The following PHC2 variants were observed in gnomAD, a reference collection of about 807,000 sequenced individuals.
The protein encoded by PHC2 is polyhomeotic homolog 2.
In PHC2, 29 loss-of-function variants were observed where a neutral mutation model predicts 87.4. The observed-to-expected ratio is 0.33, with a 90% CI of 0.25 to 0.45. The LOEUF (loss-of-function observed/expected upper bound fraction) is 0.45, where lower values mean the gene tolerates loss of function less well. Ranked by LOEUF, PHC2 falls within the 20% of genes least tolerant of loss-of-function variation. The pLI is 1.00. For missense variants in PHC2, 857 were observed against 1,136.7 expected, an observed-to-expected ratio of 0.75 and a Z score of 3.54; for synonymous variants, 438 against 461.7, an observed-to-expected ratio of 0.95 and a Z score of 0.66.
intron 7 of PHC2, among the ~76,000 whole-genome samples, chr1:33,366,092 A>G (rs1647432162): frequency 6.6e-6 from 1 of 152,250 alleles, no homozygotes; most frequent in Non-Finnish European, 1.5e-5. Context: ...TAAAAATCCT[A>G]TCTTATTTTG....
In PHC2 at chr1:33,332,237, G is replaced by C; in HGVS notation, c.1891+38C>G. 6.2e-7 allele frequency: 1 copy of C among 1,613,120 alleles called. No homozygotes were observed. Among genetic ancestry groups the C allele is most frequent in the Non-Finnish European group, 8.5e-7 (1 of 1,179,224 alleles). ...GTGTGAGGCCTGCCTTTCCAGCCAC[G>C]CTGGGAGGCCGAGAGATTCAGGGTC... On this transcript the variant is annotated intron_variant, in intron 11 of 14. Transcript: ENST00000683057. This position sits in a 1 kb window ranked among gnomAD's most constrained non-coding sequence, Gnocchi z 4.2.
intron 9 of PHC2, among the ~76,000 whole-genome samples, chr1:33,337,857 G>T (rs1170787319): frequency 6.6e-6 from 1 of 152,202 alleles, no homozygotes; most frequent in Admixed American, 6.5e-5. Context: ...AAGAGATCTG[G>T]TTGGTAAGAT....
chr1:33,388,134 T>G (rs1452645125), intron 1 of PHC2, among the ~76,000 whole-genome samples: 1 of 152,190 alleles, frequency 6.6e-6, no homozygotes, highest in Non-Finnish European at 1.5e-5. Flanking sequence ...CTTTCCTGAA[T>G]GCCCACCACA....
intron 1 of PHC2, among the ~76,000 whole-genome samples, chr1:33,411,469 T>C (rs540361183): frequency 2.6e-5 from 4 of 152,116 alleles, no homozygotes; most frequent in Non-Finnish European, 5.9e-5. Context: ...GTTGTTGTTG[T>C]TGTTATATTA....
At chr1:33,408,448 T>TTTTG (rs1649851968) in intron 1 of PHC2, among the ~76,000 whole-genome samples, 1 of 151,402 alleles carries the variant, frequency 6.6e-6, no homozygotes, top group South Asian at 2.1e-4. Context: ...TTTAGTAGTT[T>TTTTG]TTTTGTTTTG....
intron 9 of PHC2, chr1:33,335,067 C>G (rs1339528642): frequency 2.8e-6 from 1 of 356,922 alleles, no homozygotes; most frequent in African/African-American, 2.2e-5. Context: ...GATCCTCTGT[C>G]TCTCTGTGGA....
chr1:33,368,451 C>T lies in PHC2; in HGVS notation c.663+85G>A, dbSNP rs1647614899. On this transcript the variant is annotated intron_variant, in intron 6 of 14. Transcript: ENST00000683057. The surrounding 1 kb of genome is among the most constrained non-coding windows in gnomAD (Gnocchi z 6.6). ...CGCCTGCTTTCCTAGCTGATCCCGG[C>T]CTCTCCTTGTGCCCCTCCCCAGTAT... 2 of 706,620 alleles carry T rather than the reference C, an allele frequency of 2.8e-6. No individual in the cohort carries two copies. Among genetic ancestry groups the T allele is most frequent in the African/African-American group, 1.8e-5 (1 of 55,832 alleles). The allele number at this position is 706,620 out of a possible 1,614,324, so 43.8% of individuals were successfully genotyped here.
chr1:33,411,584 C>T (rs181370012), intron 1 of PHC2, among the ~76,000 whole-genome samples: 32 of 151,978 alleles, frequency 2.1e-4, no homozygotes, highest in South Asian at 4.2e-4. Flanking sequence ...TTTTTTGAGA[C>T]GGAGTCTTGC....
At chr1:33,337,902 C>T (rs948318293) in intron 9 of PHC2, among the ~76,000 whole-genome samples, 1 of 152,240 alleles carries the variant, frequency 6.6e-6, no homozygotes, top group African/African-American at 2.4e-5. Context: ...AAGACAGTCA[C>T]ATCTCTGACT....
At chr1:33,371,218 C>A in intron 3 of PHC2, 124 bp from the exon 4 acceptor site, 1 of 748,734 alleles carries the variant, frequency 1.3e-6, no homozygotes, top group Non-Finnish European at 2.3e-6. Context: ...AGGTCAGCCC[C>A]CAACCTGCCT....
At chr1:33,430,074 G>A in intron 1 of PHC2, among the ~76,000 whole-genome samples, 1 of 152,268 alleles carries the variant, frequency 6.6e-6, no homozygotes, top group East Asian at 1.9e-4. Context: ...CAGTCTTAGT[G>A]AATTGGGGGA....
Position 33,334,088 on chromosome 1 carries a change from A to G in PHC2, c.1761+2T>C. ...AAAAAGGGGAAAAGAAGTAGTCCGT[A>G]CCGGGAAAGGCTCCGCCCCCTCCTG... On this transcript the variant is annotated splice_donor_variant, in intron 10 of 14. Transcript: ENST00000683057. LOFTEE classifies it high-confidence loss of function. This position sits in a 1 kb window ranked among gnomAD's most constrained non-coding sequence, Gnocchi z 5.5. 1 of 1,599,746 alleles carries G rather than the reference A, an allele frequency of 6.3e-7. No individual in the cohort carries two copies. Among genetic ancestry groups the G allele is most frequent in the Non-Finnish European group, 8.5e-7 (1 of 1,175,192 alleles).
intron 1 of PHC2, among the ~76,000 whole-genome samples, chr1:33,397,562 G>A (rs1475318678): frequency 1.3e-5 from 2 of 152,140 alleles, no homozygotes; most frequent in Non-Finnish European, 2.9e-5. Flanking sequence ...GACCAGATGA[G>A]GCCTCGGTCT....
At chr1:33,385,432 G>A (rs746875064) in intron 1 of PHC2, among the ~76,000 whole-genome samples, 2 of 152,210 alleles carry the variant, frequency 1.3e-5, no homozygotes, top group Non-Finnish European at 1.5e-5. Context: ...TTACATACAG[G>A]AATGCAACCC....
intron 14 of PHC2, among the ~76,000 whole-genome samples, chr1:33,327,773 A>G (rs1226274914): frequency 6.6e-6 from 1 of 152,188 alleles, no homozygotes; most frequent in East Asian, 1.9e-4. Context: ...TCTTGCCAAC[A>G]GCCAGCCCAG....
rs145448809 is a variant in PHC2, at chr1:33,364,410, A to ACACGCACACG, written c.976+2705_976+2706insCGTGTGCGTG. Among the ~76,000 whole-genome samples, 1 of 149,926 alleles carries ACACGCACACG rather than the reference A, an allele frequency of 6.7e-6. No homozygotes were observed. Among genetic ancestry groups the ACACGCACACG allele is most frequent in the South Asian group, 2.1e-4 (1 of 4,756 alleles). ...TGCTTTCACACACACACACACACAC[A>ACACGCACACG]CACACACACACACACGCTCAAGCAC... On this transcript the variant is annotated intron_variant, in intron 7 of 14. Coordinates refer to ENST00000683057, the MANE Select transcript of PHC2 (RefSeq NM_001385109.1). This position sits in a 1 kb window ranked among gnomAD's most constrained non-coding sequence, Gnocchi z 4.1.
chr1:33,354,635 G>C (rs1456995391), intron 8 of PHC2, 69 bp from the exon 9 acceptor site: 2 of 1,498,638 alleles, frequency 1.3e-6, no homozygotes, highest in Non-Finnish European at 1.8e-6. Context: ...TACTTCCCTG[G>C]TTTCCATGGA....
intron 1 of PHC2, among the ~76,000 whole-genome samples, chr1:33,387,073 T>C (rs1370890782): frequency 6.6e-6 from 1 of 152,220 alleles, no homozygotes; most frequent in Non-Finnish European, 1.5e-5. Context: ...AGAATAAAGT[T>C]CAAGGGCCTA....
chr1:33,383,957 C>T lies in PHC2; in HGVS notation c.-54-8364G>A, dbSNP rs9970257. Among the ~76,000 whole-genome samples the T allele has an allele frequency of 8.3e-3, 1,262 of 152,184 alleles. 20 individuals carry two copies. The highest frequency in any genetic ancestry group is 0.029 in the African/African-American group (1,200 of 41,504). The stretch of plus-strand genomic sequence containing the variant: ...GATTTCATACTTCCAGCCTCCAGAA[C>T]GGTAACATGATACATTTGTGTTGTT... On this transcript the variant is annotated intron_variant, in intron 1 of 14. Coordinates refer to ENST00000683057, the MANE Select transcript of PHC2 (RefSeq NM_001385109.1).
Sources: gnomAD v4.1 joint callset for allele counts (sites outside exome capture counted in the v4.1 genomes callset) on GRCh38, gnomAD v4.1.1 for gene constraint, Gnocchi (gnomAD v3.1) non-coding constraint, MANE v1.5 for transcripts, NCBI Gene and HGNC (gene_info 2026-07-23, HGNC 2026-07-21) for gene names.